TMEM232: variants seen among roughly 807,000 people sequenced by gnomAD.
TMEM232 encodes transmembrane protein 232.
A neutral mutation model predicts 78.8 loss-of-function variants in TMEM232; 80 were observed. The ratio of observed to expected loss-of-function variants is 1.01; its 90% confidence interval spans 0.85 to 1.22. The LOEUF (loss-of-function observed/expected upper bound fraction) is 1.22, where lower values mean the gene tolerates loss of function less well. Among genes scored for constraint, TMEM232 ranks in the 50% most tolerant of loss-of-function variants. The probability of loss-of-function intolerance (pLI) is 0.00; values close to 1 mark genes in which losing one functional copy is unlikely to be tolerated. For missense variants in TMEM232, 881 were observed against 742.2 expected, an observed-to-expected ratio of 1.19 and a Z score of -2.17; for synonymous variants, 297 against 254.3, an observed-to-expected ratio of 1.17 and a Z score of -1.60.
At chr5:110,477,896 G>T (rs779680685) in intron 12 of TMEM232, among the ~76,000 whole-genome samples, 7 of 151,890 alleles carry the variant, frequency 4.6e-5, no homozygotes, top group Non-Finnish European at 8.8e-5. Context: ...TTATGAAGCA[G>T]CAAGAGACCA....
At chr5:110,520,050 TAG>T (rs1554097433) in intron 12 of TMEM232, among the ~76,000 whole-genome samples, 252 of 147,158 alleles carry the variant, frequency 1.7e-3, no homozygotes, top group African/African-American at 4.2e-3. Context: ...TATATATATA[TAG>T]AGAGAGAGAG....
At chr5:110,519,584 ACAAAACCACTGTATGTTTCAT>A (rs777336333) in intron 12 of TMEM232, among the ~76,000 whole-genome samples, 124 of 152,160 alleles carry the variant, frequency 8.1e-4, no homozygotes, top group Non-Finnish European at 1.5e-3. Context: ...AAAAACAAAA[ACAAAACCACTGTATGTTTCAT>A]CAATCCCACT....
chr5:110,512,778 G>A (rs1353069343), intron 12 of TMEM232, among the ~76,000 whole-genome samples: 1 of 152,082 alleles, frequency 6.6e-6, no homozygotes, highest in Non-Finnish European at 1.5e-5. Context: ...ACAAAAACAT[G>A]TAGATCTTGT....
In TMEM232 at chr5:110,698,228, T is replaced by G. The variant is rs570296442; in HGVS notation, c.-13+28399A>C. 5.3e-5 allele frequency among the ~76,000 whole-genome samples: 8 copies of G among 150,612 alleles called. No individual in the cohort carries two copies. The South Asian group carries it at 1.7e-3, about 32-fold the overall frequency. On this transcript the variant is annotated intron_variant, in intron 1 of 13. Coordinates refer to ENST00000455884, the MANE Select transcript of TMEM232 (RefSeq NM_001039763.4). ...GCATGTTCTCACTCATAGGTGGGAA[T>G]GGAACAATGAGAACACATGGACACA...
At chr5:110,616,208 A>G (rs886064745) in intron 8 of TMEM232, among the ~76,000 whole-genome samples, 12 of 152,174 alleles carry the variant, frequency 7.9e-5, no homozygotes, top group African/African-American at 2.6e-4. Flanking sequence ...CAGCACGGCA[A>G]TTGCATACAG....
intron 8 of TMEM232, among the ~76,000 whole-genome samples, chr5:110,606,933 GAACT>G (rs1249833750): frequency 1.3e-5 from 2 of 151,852 alleles, no homozygotes; most frequent in South Asian, 2.1e-4. Flanking sequence ...GTTTGAAAGA[GAACT>G]AATAAGAGAA....
chr5:110,716,696 C>A (rs1797049067), intron 1 of TMEM232, among the ~76,000 whole-genome samples: 1 of 152,138 alleles, frequency 6.6e-6, no homozygotes, highest in South Asian at 2.1e-4. Flanking sequence ...TACTAACAGG[C>A]CACGGCATTA....
intron 2 of TMEM232, among the ~76,000 whole-genome samples, chr5:110,399,701 C>A (rs913153344): frequency 6.6e-6 from 1 of 152,054 alleles, no homozygotes; most frequent in Admixed American, 6.6e-5. Context: ...AGCTTTTAAG[C>A]TCTTCTTGAT....
At chr5:110,687,300 T>C (rs1159478964) in intron 1 of TMEM232, among the ~76,000 whole-genome samples, 1 of 152,134 alleles carries the variant, frequency 6.6e-6, no homozygotes, top group Non-Finnish European at 1.5e-5. Context: ...AAAACCCACG[T>C]GTAACTGCTG....
At chr5:110,619,860 T>C (rs1163624159) in intron 7 of TMEM232, among the ~76,000 whole-genome samples, 2 of 152,084 alleles carry the variant, frequency 1.3e-5, no homozygotes, top group Non-Finnish European at 2.9e-5. Flanking sequence ...GGCACATGTA[T>C]ACATATGTAA....
chr5:110,702,081 A>G (rs1795490208), intron 1 of TMEM232, among the ~76,000 whole-genome samples: 1 of 151,968 alleles, frequency 6.6e-6, no homozygotes, highest in Non-Finnish European at 1.5e-5. Flanking sequence ...TTTTACTCTC[A>G]TGGTACAGCA....
intron 7 of TMEM232, among the ~76,000 whole-genome samples, chr5:110,619,338 T>A (rs1232556277): frequency 2.0e-5 from 3 of 152,154 alleles, no homozygotes; most frequent in African/African-American, 7.2e-5. Flanking sequence ...ATAATTTTTA[T>A]GTTGAGTACT....
chr5:110,585,668 C>A (rs1387421777), intron 10 of TMEM232, among the ~76,000 whole-genome samples: 1 of 152,126 alleles, frequency 6.6e-6, no homozygotes, highest in African/African-American at 2.4e-5. Flanking sequence ...TAAACTGAAA[C>A]TCTTCTCCTC....
At chr5:110,595,226 A>C (rs955133218) in intron 10 of TMEM232, among the ~76,000 whole-genome samples, 2 of 152,170 alleles carry the variant, frequency 1.3e-5, no homozygotes, top group Non-Finnish European at 2.9e-5. Flanking sequence ...CAATAACATC[A>C]ATATCAACTA....
At chr5:110,448,083 A>G (rs1219580758) in intron 12 of TMEM232, among the ~76,000 whole-genome samples, 4 of 152,070 alleles carry the variant, frequency 2.6e-5, no homozygotes, top group African/African-American at 4.8e-5. Flanking sequence ...AAAATAAACT[A>G]TAAGAACAAA....
At chr5:110,607,322 A>G (rs910352073) in intron 8 of TMEM232, among the ~76,000 whole-genome samples, 2 of 152,058 alleles carry the variant, frequency 1.3e-5, no homozygotes, top group Non-Finnish European at 2.9e-5. Context: ...GTTGTAACTC[A>G]AGTTTTCTCC....
In TMEM232 at chr5:110,596,482, G is replaced by A. The variant is rs1343250696; in HGVS notation, c.1276+8627C>T. On this transcript the variant is annotated intron_variant, in intron 10 of 13. Transcript: ENST00000455884. ...CCTTCTGAAACTATTCCAATCAACA[G>A]AAAAAGAGGGAATCCTCCCTAACTC... 2.6e-5 allele frequency among the ~76,000 whole-genome samples: 4 copies of A among 152,220 alleles called. No homozygotes were observed. In the East Asian group the frequency reaches 7.7e-4, roughly 29 times the overall value.
At chr5:110,562,147 C>A (rs1775825094) in intron 11 of TMEM232, among the ~76,000 whole-genome samples, 1 of 152,056 alleles carries the variant, frequency 6.6e-6, no homozygotes, top group African/African-American at 2.4e-5. Flanking sequence ...ACATGAATTA[C>A]CAAACAAATA....
intron 12 of TMEM232, among the ~76,000 whole-genome samples, chr5:110,519,529 T>C (rs1335737342): frequency 6.6e-6 from 1 of 152,020 alleles, no homozygotes; most frequent in Non-Finnish European, 1.5e-5. Context: ...GGAAGAAATA[T>C]AAATTAGTAC....
Sources: allele counts gnomAD v4.1 joint callset (sites outside exome capture counted in the v4.1 genomes callset), GRCh38; gene constraint gnomAD v4.1.1; transcripts MANE v1.5; gene names NCBI Gene and HGNC (gene_info 2026-07-23, HGNC 2026-07-21).